Variants in KLHL42 observed in about 807,000 individuals in gnomAD.
The protein encoded by KLHL42 is kelch like family member 42.
KLHL42 carries 27 observed loss-of-function variants against 32.7 expected under a neutral mutation model. The ratio of observed to expected loss-of-function variants is 0.83; its 90% CI spans 0.61 to 1.14. The LOEUF is 1.14. Among genes scored for constraint, KLHL42 ranks in the 50% most tolerant of loss-of-function variants. The probability of loss-of-function intolerance (pLI) is 0.00; values close to 1 mark genes in which losing one functional copy is unlikely to be tolerated. For missense variants in KLHL42, 491 were observed against 560.8 expected, an observed-to-expected ratio of 0.88 and a Z score of 1.26; for synonymous variants, 267 against 248.2, an observed-to-expected ratio of 1.08 and a Z score of -0.71.
chr12:27,801,440 G>A lies in KLHL42; in HGVS notation c.*3274G>A, dbSNP rs1397334288. The A allele has an allele frequency of 6.6e-6, 1 of 152,192 alleles. No homozygotes were observed. Among genetic ancestry groups the A allele is most frequent in the Non-Finnish European group, 1.5e-5 (1 of 68,048 alleles). The allele number at this position is 152,192 out of a possible 1,614,324, so 9.4% of individuals were successfully genotyped here. ...CCAAAGACGTAAATTGAGAGGAAAGGCCTTGGTCTTCCTGATCAACCAGCA... is the reference window on the plus strand; with the variant it reads ...CCAAAGACGTAAATTGAGAGGAAAGACCTTGGTCTTCCTGATCAACCAGCA... On this transcript the variant is annotated 3_prime_UTR_variant, in exon 3 of 3. Coordinates refer to ENST00000381271, the MANE Select transcript of KLHL42 (RefSeq NM_020782.2).
chr12:27,793,369 T>G (rs939487542), intron 2 of KLHL42, among the ~76,000 whole-genome samples: 1 of 151,140 alleles, frequency 6.6e-6, no homozygotes. Context: ...GCAAGACCCC[T>G]TCTCTAAAAA....
At chr12:27,796,945 A>T (rs2062221486) in intron 2 of KLHL42, among the ~76,000 whole-genome samples, 1 of 152,162 alleles carries the variant, frequency 6.6e-6, no homozygotes, top group Non-Finnish European at 1.5e-5. Flanking sequence ...GCCGAAAATC[A>T]TTATTAATTA....
chr12:27,791,251 GC>G, intron 1 of KLHL42, among the ~76,000 whole-genome samples: 1 of 152,092 alleles, frequency 6.6e-6, no homozygotes, highest in South Asian at 2.1e-4. Context: ...CCTCGCACCT[GC>G]CTGTCTCGAC....
At position 27,780,901 on chromosome 12, in the gene KLHL42, A is replaced by T; in HGVS notation, c.571A>T (p.Thr191Ser). 1 of 1,610,836 alleles carries T rather than the reference A, an allele frequency of 6.2e-7. No homozygotes were observed. The highest frequency in any genetic ancestry group is 1.1e-5 in the South Asian group (1 of 91,018). Residue 191 changes from threonine (T) to serine (S), a missense_variant, in exon 1 of 3, where the codon ACT (threonine) becomes TCT (serine). Thr to Ser is a moderately conservative substitution (Grantham distance 58). This residue lies in a region of KLHL42 where 248 missense variants were observed against 329.2 expected (regional missense o/e 0.75). Coordinates refer to ENST00000381271, the MANE Select transcript of KLHL42 (RefSeq NM_020782.2). This position sits in a 1 kb window ranked among gnomAD's most constrained non-coding sequence, Gnocchi z 8.8. ...GCAGAGGCTGAGGGAGGCCCGGATG[A>T]CTGGGACTCCTGTCCTCGTGGCCCT... Reference protein sequence around the residue: ...LKQRLREARMTGTPVLVALGD... With the variant: ...LKQRLREARMSGTPVLVALGD...
At chr12:27,786,837 C>T (rs1360565958) in intron 1 of KLHL42, among the ~76,000 whole-genome samples, 2 of 150,254 alleles carry the variant, frequency 1.3e-5, no homozygotes, top group Non-Finnish European at 2.9e-5. Context: ...ATTCTCCTGC[C>T]TCAGCCTCCC....
intron 1 of KLHL42, among the ~76,000 whole-genome samples, chr12:27,784,032 T>TGC (rs1361716032): frequency 1.3e-5 from 2 of 152,126 alleles, no homozygotes; most frequent in Non-Finnish European, 2.9e-5. Flanking sequence ...TCCTGGTAGA[T>TGC]GCGTGCATGT....
intron 1 of KLHL42, among the ~76,000 whole-genome samples, chr12:27,781,967 C>G (rs1283599476): frequency 6.6e-6 from 1 of 152,038 alleles, no homozygotes. Context: ...GAAGGAATAT[C>G]AAAACAAGAG....
chr12:27,783,710 G>A (rs1021915340), intron 1 of KLHL42, among the ~76,000 whole-genome samples: 1 of 151,818 alleles, frequency 6.6e-6, no homozygotes, highest in African/African-American at 2.4e-5. Context: ...GCCTCCCGAG[G>A]AGCTGGGACT....
chr12:27,789,484 A>T (rs1340694505), intron 1 of KLHL42, among the ~76,000 whole-genome samples: 1 of 152,230 alleles, frequency 6.6e-6, no homozygotes, highest in Non-Finnish European at 1.5e-5. Context: ...GAGAGATGGA[A>T]TCATTTACTT....
At position 27,800,112 on chromosome 12, in the gene KLHL42, A is replaced by G. The variant is rs2062237815; in HGVS notation, c.*1946A>G. 1 of 984,772 alleles carries G rather than the reference A, an allele frequency of 1.0e-6. No homozygotes were observed. The highest frequency in any genetic ancestry group is 1.2e-6 in the Non-Finnish European group (1 of 829,304). The allele number at this position is 984,772 out of a possible 1,614,324, so 61.0% of individuals were successfully genotyped here. A position where few individuals can be genotyped will look rare whatever the true frequency, so the allele number is the denominator to read the frequency against. On this transcript the variant is annotated 3_prime_UTR_variant, in exon 3 of 3. Coordinates refer to ENST00000381271, the MANE Select transcript of KLHL42 (RefSeq NM_020782.2). ...CTTAACTTTTTAAAGGCTTTGTCCT[A>G]TACATTTAGAAGATGAGTCAGTTGA...
chr12:27,802,499 T>C lies in KLHL42; in HGVS notation c.*4333T>C, dbSNP rs1332904034. ...ATTTTATTCACATGAGAGATTTTTT[T>C]TATTTTCTCTGTTGACTTAGGAACA... On this transcript the variant is annotated 3_prime_UTR_variant, in exon 3 of 3. Coordinates refer to ENST00000381271, the MANE Select transcript of KLHL42 (RefSeq NM_020782.2). The C allele has an allele frequency of 6.5e-6, 1 of 152,676 alleles. No homozygotes were observed. Among genetic ancestry groups the C allele is most frequent in the Non-Finnish European group, 1.5e-5 (1 of 68,048 alleles). 9.5% of individuals were successfully genotyped at this position (152,676 alleles called of 1,614,324 possible).
Position 27,797,629 on chromosome 12 carries a change from A to G in KLHL42, c.1067-86A>G. ...AGTTTTTTCTCTTTGTTACCAAATT[A>G]TGCAGGCAGAGGTAGACATTTCTGT... is the stretch of plus-strand genomic sequence containing the variant. On this transcript the variant is annotated intron_variant, in intron 2 of 2. Coordinates refer to ENST00000381271, the MANE Select transcript of KLHL42 (RefSeq NM_020782.2). 3 of 655,812 alleles carry G rather than the reference A, an allele frequency of 4.6e-6. No individual in the cohort carries two copies. In the South Asian group the frequency reaches 5.6e-5, roughly 12 times the overall value. 40.6% of individuals were successfully genotyped at this position (655,812 alleles called of 1,614,324 possible).
intron 1 of KLHL42, among the ~76,000 whole-genome samples, chr12:27,788,583 T>C (rs1411273858): frequency 1.3e-5 from 2 of 152,146 alleles, no homozygotes; most frequent in African/African-American, 4.8e-5. Flanking sequence ...GTGGCCTAGC[T>C]ACTTGGGAGG....
In KLHL42 at chr12:27,797,757, T is replaced by C. The variant is rs1226511357; in HGVS notation, c.1109T>C (p.Met370Thr). 2.7e-6 allele frequency: 2 copies of C among 727,686 alleles called. No homozygotes were observed. The highest frequency in any genetic ancestry group is 2.4e-4 in the Middle Eastern group (1 of 4,152). 45.1% of individuals were successfully genotyped at this position (727,686 alleles called of 1,614,324 possible). The change falls in exon 3 of 3, where the codon ATG (methionine) becomes ACG (threonine). Residue 370 changes from methionine (M) to threonine (T), a missense_variant. Transcript: ENST00000381271. ...TTGCAGTACTGCCCCTCTTCCGACA[T>C]GTGGACGCTCTTTGAAACATGTGAC... Reference protein sequence around the residue: ...NILQYCPSSDMWTLFETCDVH... With the variant: ...NILQYCPSSDTWTLFETCDVH...
intron 2 of KLHL42, among the ~76,000 whole-genome samples, chr12:27,793,089 G>A (rs1369887738): frequency 6.6e-6 from 1 of 152,146 alleles, no homozygotes; most frequent in East Asian, 1.9e-4. Flanking sequence ...GTAGGGAATT[G>A]TCTCAGGTTA....
intron 2 of KLHL42, 140 bp from the exon 3 acceptor site, chr12:27,797,573 CTG>C: frequency 1.5e-6 from 1 of 652,396 alleles, no homozygotes; most frequent in South Asian, 1.9e-5. Context: ...ACTTTGAAAA[CTG>C]TTTTTCTAAC....
At chr12:27,785,734 T>C (rs2062169254) in intron 1 of KLHL42, among the ~76,000 whole-genome samples, 1 of 152,134 alleles carries the variant, frequency 6.6e-6, no homozygotes, top group Non-Finnish European at 1.5e-5. Context: ...TAGGACTTAC[T>C]CAATGCTTAT....
Position 27,800,993 on chromosome 12 carries a change from T to C in KLHL42, c.*2827T>C, listed in dbSNP as rs1310248237. 1 of 152,354 alleles carries C rather than the reference T, an allele frequency of 6.6e-6. No homozygotes were observed. Among genetic ancestry groups the C allele is most frequent in the Non-Finnish European group, 1.5e-5 (1 of 68,046 alleles). The allele number at this position is 152,354 out of a possible 1,614,324, so 9.4% of individuals were successfully genotyped here. A position where few individuals can be genotyped will look rare whatever the true frequency, so the allele number is the denominator to read the frequency against. ...AAGGTTGGTTCTTCCTGTTATTCTC[T>C]CTGGCTTTCCTTTCAACCCACTTAT... On this transcript the variant is annotated 3_prime_UTR_variant, in exon 3 of 3. Transcript: ENST00000381271.
rs1297375611 is a variant in KLHL42 at position 27,789,703 on chromosome 12, G to C, written c.873-2005G>C. Among the ~76,000 whole-genome samples, 4 of 152,236 alleles carry C rather than the reference G, an allele frequency of 2.6e-5. No homozygotes were observed. In the East Asian group the frequency reaches 7.7e-4, roughly 29 times the overall value. On this transcript the variant is annotated intron_variant, in intron 1 of 2. Coordinates refer to ENST00000381271, the MANE Select transcript of KLHL42 (RefSeq NM_020782.2). The stretch of plus-strand genomic sequence containing the variant: ...TTGGTTCCCCAAATTTGCACACACA[G>C]AGAGGGCATCATGGTTGGATTTTAA...
Sources: allele counts gnomAD v4.1 joint callset (sites outside exome capture counted in the v4.1 genomes callset), GRCh38; gene constraint gnomAD v4.1.1; regional missense constraint gnomAD v4.1.1; non-coding constraint Gnocchi (gnomAD v3.1); transcripts MANE v1.5; gene names NCBI Gene and HGNC (gene_info 2026-07-23, HGNC 2026-07-21).